Variants in SYT14 observed in about 807,000 individuals in gnomAD.
SYT14 encodes the protein synaptotagmin-14.
SYT14 carries 32 observed loss-of-function variants against 74.2 expected under a neutral mutation model. That is an observed-to-expected ratio of 0.43 (90% CI 0.33 to 0.58). The LOEUF (loss-of-function observed/expected upper bound fraction) is 0.58, where lower values mean the gene tolerates loss of function less well. Ranked by LOEUF, SYT14 falls within the 20% of genes least tolerant of loss-of-function variation. The pLI is 0.05. For synonymous variants in SYT14, 298 were observed against 337.7 expected (o/e 0.88, Z 1.29); for missense variants, 791 against 981.8 (o/e 0.81, Z 2.60).
chr1:210,079,293 C>A (rs1430771939), intron 5 of SYT14, among the ~76,000 whole-genome samples: 8 of 151,884 alleles, frequency 5.3e-5, no homozygotes, highest in African/African-American at 1.9e-4. Flanking sequence ...TCAATAGAAG[C>A]CCAAACCTCA....
chr1:210,037,379 G>A (rs1414145087), intron 5 of SYT14, among the ~76,000 whole-genome samples: 1 of 151,596 alleles, frequency 6.6e-6, no homozygotes, highest in Non-Finnish European at 1.5e-5. Context: ...AAAGAACTAC[G>A]TTTCATTTGC....
chr1:210,050,523 C>G (rs2080973535), intron 5 of SYT14, among the ~76,000 whole-genome samples: 1 of 152,174 alleles, frequency 6.6e-6, no homozygotes, highest in Non-Finnish European at 1.5e-5. Context: ...GTTATCTTTT[C>G]AGCAGGACCC....
chr1:209,967,904 G>T (rs2079180127), intron 2 of SYT14, among the ~76,000 whole-genome samples: 1 of 151,946 alleles, frequency 6.6e-6, no homozygotes, highest in African/African-American at 2.4e-5. Flanking sequence ...CTCTTATCAA[G>T]TAGCACATAT....
intron 5 of SYT14, among the ~76,000 whole-genome samples, chr1:210,070,659 G>A (rs1011113062): frequency 2.0e-5 from 3 of 152,052 alleles, no homozygotes; most frequent in Non-Finnish European, 4.4e-5. Flanking sequence ...ACAAATGCCC[G>A]TTGTTTACCA....
At chr1:209,970,662 CTTT>C (rs35639848) in intron 2 of SYT14, among the ~76,000 whole-genome samples, 3 of 62,788 alleles carry the variant, frequency 4.8e-5, no homozygotes, top group African/African-American at 2.0e-4. Context: ...GGCAGTATGG[CTTT>C]TTTTTTTTTT....
chr1:210,020,965 G>A, intron 4 of SYT14, 74 bp from the exon 4 acceptor site: 1 of 1,228,794 alleles, frequency 8.1e-7, no homozygotes, highest in Non-Finnish European at 1.2e-6. Flanking sequence ...TCATTTGACG[G>A]GCCCAGTAGG....
intron 7 of SYT14, among the ~76,000 whole-genome samples, chr1:210,109,077 A>G (rs2082211350): frequency 6.6e-6 from 1 of 152,110 alleles, no homozygotes; most frequent in South Asian, 2.1e-4. Flanking sequence ...TTGAAGTGTA[A>G]GAAGGTTGAA....
chr1:210,132,114 C>T (rs1230760026), intron 7 of SYT14, among the ~76,000 whole-genome samples: 1 of 152,066 alleles, frequency 6.6e-6, no homozygotes, highest in Non-Finnish European at 1.5e-5. Context: ...GCAGCCCATT[C>T]TGTGTTACTA....
intron 5 of SYT14, among the ~76,000 whole-genome samples, chr1:210,069,396 G>A (rs2081353733): frequency 6.6e-6 from 1 of 151,862 alleles, no homozygotes; most frequent in Non-Finnish European, 1.5e-5. Context: ...TATGATTGTA[G>A]ATTTTGTCAG....
At chr1:210,031,412 G>C (rs1410796163) in intron 5 of SYT14, among the ~76,000 whole-genome samples, 1 of 151,998 alleles carries the variant, frequency 6.6e-6, no homozygotes, top group Non-Finnish European at 1.5e-5. Context: ...TTTGGTATTA[G>C]GGTGATGCTG....
rs573044072 is a variant in SYT14, at chr1:210,146,445, A to T, written c.2035-9276A>T. Among the ~76,000 whole-genome samples, 4 of 140,202 alleles carry T rather than the reference A, an allele frequency of 2.9e-5. No homozygotes were observed. The South Asian group carries it at 9.0e-4, about 32-fold the overall frequency. The allele number at this position is 140,202 out of a possible 152,430, so 92.0% of individuals were successfully genotyped here. On this transcript the variant is annotated intron_variant, in intron 7 of 9. Coordinates refer to ENST00000637265, the Ensembl canonical transcript of SYT14. Reference sequence around the variant, plus strand: ...TAAAATGAATATGAATGTTTCTAAAAACTGTTAAACAAAATGTAAACAGTG... The same window carrying T: ...TAAAATGAATATGAATGTTTCTAAATACTGTTAAACAAAATGTAAACAGTG...
At chr1:210,170,053 A>T (rs982510079) in exon 10 of SYT14, 5 of 151,608 alleles carry the variant, frequency 3.3e-5, no homozygotes, top group African/African-American at 1.2e-4. Context: ...TATTTTTCTA[A>T]TAATGGATAT....
At chr1:210,096,940 GCTT>G (rs1339489897) in intron 6 of SYT14, among the ~76,000 whole-genome samples, 2 of 152,134 alleles carry the variant, frequency 1.3e-5, no homozygotes, top group Non-Finnish European at 2.9e-5. Flanking sequence ...CTCACAAGCT[GCTT>G]CTTTACTCAC....
At position 210,053,741 on chromosome 1, in the gene SYT14, G is replaced by A. The variant is rs142293645; in HGVS notation, c.1312+32487G>A. ...ACCAATCTCATTGAAATCTAGAGCC[G>A]TTAACTGTTATCCTAACTCTGGTCT... On this transcript the variant is annotated intron_variant, in intron 5 of 9. Coordinates refer to ENST00000637265, the Ensembl canonical transcript of SYT14. 2.7e-4 allele frequency among the ~76,000 whole-genome samples: 41 copies of A among 152,208 alleles called. 1 individual carries two copies. The East Asian group carries it at 6.4e-3, about 24-fold the overall frequency.
At chr1:210,083,290 C>T (rs1187837956) in intron 5 of SYT14, among the ~76,000 whole-genome samples, 5 of 152,084 alleles carry the variant, frequency 3.3e-5, no homozygotes, top group African/African-American at 1.2e-4. Context: ...CATGCCCAGC[C>T]GAGTAATGGA....
chr1:210,100,172 G>A, exon 7 of SYT14: 1 of 1,613,994 alleles, frequency 6.2e-7, no homozygotes, highest in Non-Finnish European at 8.5e-7. Flanking sequence ...ACATATAACA[G>A]GACAGGTGGC....
rs750147513 is a variant in SYT14, at chr1:210,013,810, T to C, written c.-321+13T>C. On this transcript the variant is annotated intron_variant, in intron 3 of 9. Transcript: ENST00000637265. ...CAAGATAAAATTTGTAAGTATCGTA[T>C]TGCTGCTTCTCTTGTTTGTTCTTTT... The C allele has an allele frequency of 4.0e-5, 65 of 1,608,886 alleles. No homozygotes were observed. Among genetic ancestry groups the C allele is most frequent in the Non-Finnish European group, 5.5e-5 (65 of 1,178,176 alleles).
chr1:210,131,426 T>TA (rs2082671330), intron 7 of SYT14, among the ~76,000 whole-genome samples: 1 of 152,134 alleles, frequency 6.6e-6, no homozygotes, highest in Admixed American at 6.5e-5. Flanking sequence ...TGTAAATTGT[T>TA]AAAGTCTTAA....
At chr1:210,109,056 G>T (rs576844133) in intron 7 of SYT14, among the ~76,000 whole-genome samples, 3 of 151,746 alleles carry the variant, frequency 2.0e-5, no homozygotes, top group Non-Finnish European at 4.4e-5. Context: ...TACAAAAGAT[G>T]ATGACGGAAG....
Sources: allele counts gnomAD v4.1 joint callset (sites outside exome capture counted in the v4.1 genomes callset), GRCh38; gene constraint gnomAD v4.1.1; transcripts MANE v1.5; gene names NCBI Gene and HGNC (gene_info 2026-07-23, HGNC 2026-07-21).